BDNF: variants seen among roughly 807,000 people sequenced by gnomAD.
BDNF encodes brain derived neurotrophic factor.
BDNF carries 1 observed loss-of-function variant against 19.5 expected under a neutral mutation model. The ratio of observed to expected loss-of-function variants is 0.05; its 90% CI spans 0.02 to 0.24. BDNF has a LOEUF of 0.24. Among genes scored for constraint, BDNF ranks in the 10% least tolerant of loss-of-function variants. The pLI is 1.00. For synonymous variants in BDNF, 100 were observed against 121.6 expected, an observed-to-expected ratio of 0.82 and a Z score of 1.17; for missense variants, 195 against 317.6, an observed-to-expected ratio of 0.61 and a Z score of 2.93.
intron 1 of BDNF, among the ~76,000 whole-genome samples, chr11:27,666,596 C>G (rs1439729197): frequency 1.3e-5 from 2 of 152,142 alleles, no homozygotes; most frequent in African/African-American, 4.8e-5. Context: ...CCTGATGGAG[C>G]TGAAAACCAT....
chr11:27,668,746 C>G (rs971315022), intron 1 of BDNF, among the ~76,000 whole-genome samples: 1 of 152,034 alleles, frequency 6.6e-6, no homozygotes, highest in African/African-American at 2.4e-5. Context: ...CAATAACAGG[C>G]TCTGAAATTG....
At chr11:27,720,232 C>T (rs1055152635) in intron 1 of BDNF, 6 of 742,766 alleles carry the variant, frequency 8.1e-6, no homozygotes, top group Non-Finnish European at 9.9e-6. Flanking sequence ...AAGAAACAAC[C>T]CCCTCTCATG....
At chr11:27,668,033 G>A (rs1359369400) in intron 1 of BDNF, among the ~76,000 whole-genome samples, 2 of 152,156 alleles carry the variant, frequency 1.3e-5, no homozygotes, top group Non-Finnish European at 2.9e-5. Context: ...GCACTCCTCA[G>A]CAAATGTAAA....
At chr11:27,705,838 A>AT (rs1860086723) in intron 1 of BDNF, among the ~76,000 whole-genome samples, 1 of 152,244 alleles carries the variant, frequency 6.6e-6, no homozygotes, top group South Asian at 2.1e-4. Context: ...ATTGCTGAGT[A>AT]TCTACTATCT....
At chr11:27,689,274 G>C (rs149967066) in intron 1 of BDNF, among the ~76,000 whole-genome samples, 1,619 of 152,324 alleles carry the variant, frequency 0.011, 16 homozygotes, top group Non-Finnish European at 0.017. Flanking sequence ...TATCATCCTT[G>C]CTCTGGTTCT....
In BDNF at chr11:27,657,655, C is replaced by T. The variant is rs142434530; in HGVS notation, c.*166G>A. Reference sequence around the variant, plus strand: ...TGACTGTTTCCCTTCTGGTCATGGACATGTCCAATAAATAGATTGTAGAAC... The same window carrying T: ...TGACTGTTTCCCTTCTGGTCATGGATATGTCCAATAAATAGATTGTAGAAC... On this transcript the variant is annotated 3_prime_UTR_variant, in exon 2 of 2. Transcript: ENST00000356660. This position sits in a 1 kb window ranked among gnomAD's most constrained non-coding sequence, Gnocchi z 5.0. 4.5e-5 allele frequency: 64 copies of T among 1,434,602 alleles called. No individual in the cohort carries two copies. In the African/African-American group the frequency reaches 8.0e-4, roughly 18 times the overall value. 88.9% of individuals were successfully genotyped at this position (1,434,602 alleles called of 1,614,324 possible).
intron 1 of BDNF, among the ~76,000 whole-genome samples, chr11:27,662,210 G>A (rs1306765817): frequency 6.6e-6 from 1 of 151,962 alleles, no homozygotes; most frequent in African/African-American, 2.4e-5. Flanking sequence ...CATGTTGGCC[G>A]AGCTGGCCTA....
chr11:27,699,643 A>G (rs764721789), intron 1 of BDNF: 75 of 1,433,166 alleles, frequency 5.2e-5, no homozygotes, highest in Admixed American at 8.2e-5. Flanking sequence ...TTCAGTCTCA[A>G]TTCCTGGGGA....
intron 1 of BDNF, chr11:27,659,782 A>G: frequency 1.6e-6 from 1 of 642,338 alleles, no homozygotes; most frequent in Non-Finnish European, 1.9e-6. Flanking sequence ...CCTTAAAAGC[A>G]TACCACAAAA....
chr11:27,691,383 C>T (rs188721950), intron 1 of BDNF, among the ~76,000 whole-genome samples: 3 of 152,304 alleles, frequency 2.0e-5, no homozygotes, highest in Admixed American at 2.0e-4. Flanking sequence ...CAGTGCCTGA[C>T]ACTCACTGGG....
At chr11:27,712,903 G>C (rs1467686800) in intron 1 of BDNF, among the ~76,000 whole-genome samples, 1 of 149,184 alleles carries the variant, frequency 6.7e-6, no homozygotes, top group African/African-American at 2.5e-5. Context: ...TCATTACAGT[G>C]AGCAATTCTT....
At chr11:27,705,334 G>A (rs1860067958), upstream of BDNF, among the ~76,000 whole-genome samples, 1 of 152,108 alleles carries the variant, frequency 6.6e-6, no homozygotes, top group South Asian at 2.1e-4. Flanking sequence ...TAAACCAAAG[G>A]GTTTCAGGAC....
chr11:27,676,546 G>A (rs1029910494), intron 1 of BDNF, among the ~76,000 whole-genome samples: 4 of 152,190 alleles, frequency 2.6e-5, no homozygotes, highest in Admixed American at 6.5e-5. Flanking sequence ...TATCTAGGCC[G>A]TAAATCATGG....
intron 1 of BDNF, among the ~76,000 whole-genome samples, chr11:27,718,364 G>GT (rs1860608952): frequency 6.1e-5 from 5 of 81,970 alleles, no homozygotes; most frequent in African/African-American, 1.6e-4. Context: ...ACCCCCCCCC[G>GT]CCCCTCCCGG....
upstream of BDNF, chr11:27,700,520 GCCCCCC>G (rs67192910): frequency 3.1e-5 from 23 of 736,016 alleles, no homozygotes; most frequent in East Asian, 3.6e-3. Context: ...AAACGGCGCC[GCCCCCC>G]CCCCCCCGCC....
chr11:27,711,217 T>A (rs145834027), intron 1 of BDNF, among the ~76,000 whole-genome samples: 52 of 152,322 alleles, frequency 3.4e-4, no homozygotes, highest in Admixed American at 2.6e-3. Flanking sequence ...CGTCTTAGCC[T>A]AGAAAGATTG....
intron 1 of BDNF, among the ~76,000 whole-genome samples, chr11:27,682,662 G>A (rs34379767): frequency 0.18 from 27,302 of 151,950 alleles, 3,141 homozygotes; most frequent in East Asian, 0.47. Flanking sequence ...TGTGGTGTTT[G>A]GTTTTCTGTT....
chr11:27,658,703 T>C lies in BDNF; in HGVS notation c.-21-118A>G, dbSNP rs1289017440. The C allele has an allele frequency of 6.3e-7, 1 of 1,584,960 alleles. No homozygotes were observed. The highest frequency in any genetic ancestry group is 1.3e-5 in the African/African-American group (1 of 74,402). ...ATTCTGCAGGGTCAAGGTTTTTTTA[T>C]GTCTTGGTGATAAACTCCAGCTGCA... On this transcript the variant is annotated intron_variant, in intron 1 of 1. Transcript: ENST00000356660. This position sits in a 1 kb window ranked among gnomAD's most constrained non-coding sequence, Gnocchi z 5.7.
At chr11:27,666,865 A>C (rs1253502861) in intron 1 of BDNF, among the ~76,000 whole-genome samples, 1 of 152,226 alleles carries the variant, frequency 6.6e-6, no homozygotes, top group Non-Finnish European at 1.5e-5. Context: ...ATCCAGGAGA[A>C]CTTCCCCAAT....
Sources: gnomAD v4.1 joint callset for allele counts (sites outside exome capture counted in the v4.1 genomes callset) on GRCh38, gnomAD v4.1.1 for gene constraint, Gnocchi (gnomAD v3.1) non-coding constraint, MANE v1.5 for transcripts, NCBI Gene and HGNC (gene_info 2026-07-23, HGNC 2026-07-21) for gene names.